Variants in NUDT3 observed in about 807,000 individuals in gnomAD.
NUDT3 encodes the protein diphosphoinositol polyphosphate phosphohydrolase 1.
NUDT3 carries 9 observed loss-of-function variants against 23.6 expected under a neutral mutation model. That is an observed-to-expected ratio of 0.38 (90% CI 0.23 to 0.66). The LOEUF (loss-of-function observed/expected upper bound fraction) is 0.66. Among genes scored for constraint, NUDT3 ranks in the 30% least tolerant of loss-of-function variants. NUDT3 has a pLI of 0.52. For missense variants in NUDT3, 172 were observed against 218.5 expected (o/e 0.79, Z 1.34); for synonymous variants, 86 against 82.6 (o/e 1.04, Z -0.22).
chr6:34,295,490 C>T, intron 3 of NUDT3, 151 bp downstream of exon 3: 1 of 841,240 alleles, frequency 1.2e-6, no homozygotes, highest in Non-Finnish European at 1.8e-6. Context: ...CACTGCACTC[C>T]AGCCTGGGCG....
chr6:34,363,570 C>T (rs1223191826), intron 1 of NUDT3, among the ~76,000 whole-genome samples: 1 of 152,024 alleles, frequency 6.6e-6, no homozygotes, highest in Non-Finnish European at 1.5e-5. Flanking sequence ...GGAAACAGGG[C>T]CCAAAATAGA....
chr6:34,326,627 G>C (rs1764035179), intron 2 of NUDT3, among the ~76,000 whole-genome samples: 2 of 150,972 alleles, frequency 1.3e-5, no homozygotes, highest in South Asian at 4.2e-4. Context: ...TTGACACGGA[G>C]TCTTGCTCTG....
At chr6:34,289,866 C>CT (rs1028295529) in intron 4 of NUDT3, among the ~76,000 whole-genome samples, 32 of 152,100 alleles carry the variant, frequency 2.1e-4, no homozygotes, top group African/African-American at 7.2e-4. Flanking sequence ...CACAACTGCC[C>CT]TTTTTTCATA....
chr6:34,371,521 G>T (rs1214024364), intron 1 of NUDT3, among the ~76,000 whole-genome samples: 1 of 152,040 alleles, frequency 6.6e-6, no homozygotes, highest in African/African-American at 2.4e-5. Flanking sequence ...AGCAGATGCA[G>T]ATTCAACGTG....
At chr6:34,309,151 TGGGA>T (rs1175687082) in intron 2 of NUDT3, among the ~76,000 whole-genome samples, 1 of 151,822 alleles carries the variant, frequency 6.6e-6, no homozygotes, top group Non-Finnish European at 1.5e-5. Flanking sequence ...GAGGCCAAGA[TGGGA>T]GGATCACTTG....
At chr6:34,294,013 A>C (rs1763462952) in intron 3 of NUDT3, among the ~76,000 whole-genome samples, 1 of 151,784 alleles carries the variant, frequency 6.6e-6, no homozygotes, top group Admixed American at 6.6e-5. Context: ...TTTGAGAGAG[A>C]GCCTTACTTT....
At chr6:34,309,187 C>A (rs1763730334) in intron 2 of NUDT3, among the ~76,000 whole-genome samples, 1 of 151,756 alleles carries the variant, frequency 6.6e-6, no homozygotes, top group Admixed American at 6.6e-5. Context: ...TCGGGACCAG[C>A]CTGGGCAGCA....
chr6:34,303,079 A>G (rs914451581), intron 2 of NUDT3, among the ~76,000 whole-genome samples: 1 of 151,660 alleles, frequency 6.6e-6, no homozygotes, highest in Non-Finnish European at 1.5e-5. Flanking sequence ...TTTTTCAGAT[A>G]TTTTGGCAGT....
chr6:34,373,420 A>C (rs929973842), intron 1 of NUDT3, among the ~76,000 whole-genome samples: 32 of 128,454 alleles, frequency 2.5e-4, no homozygotes, highest in Non-Finnish European at 4.6e-4. Context: ...CTAGAGGCTG[A>C]ACGGTATCTA....
intron 1 of NUDT3, among the ~76,000 whole-genome samples, chr6:34,375,563 T>C (rs920597836): frequency 2.0e-5 from 3 of 152,134 alleles, no homozygotes; most frequent in Non-Finnish European, 2.9e-5. Context: ...AGACTTTTTC[T>C]TGCCCCTCAA....
intron 2 of NUDT3, among the ~76,000 whole-genome samples, chr6:34,297,176 C>T (rs1249892313): frequency 6.6e-6 from 1 of 152,106 alleles, no homozygotes. Flanking sequence ...TCGTGATCCG[C>T]CCATCTCAGT....
chr6:34,330,271 G>A (rs931048287), intron 2 of NUDT3, among the ~76,000 whole-genome samples: 3 of 152,170 alleles, frequency 2.0e-5, no homozygotes, highest in African/African-American at 7.2e-5. Context: ...CACCAACAGT[G>A]TAAAAGTGTT....
Position 34,282,764 on chromosome 6 carries a change from A to G in NUDT3, c.*5989T>C, listed in dbSNP as rs1202016719. ...CAATGCTGCTGTTTTTGTATCCTTTAAAGCCTATATCCAGGGTTTTAAATG... is the reference window on the plus strand; with the variant it reads ...CAATGCTGCTGTTTTTGTATCCTTTGAAGCCTATATCCAGGGTTTTAAATG... On this transcript the variant is annotated 3_prime_UTR_variant, in exon 5 of 5. Coordinates refer to ENST00000607016, the MANE Select transcript of NUDT3 (RefSeq NM_006703.4). 1 of 152,152 alleles carries G rather than the reference A, an allele frequency of 6.6e-6. No individual in the cohort carries two copies. Among genetic ancestry groups the G allele is most frequent in the Non-Finnish European group, 1.5e-5 (1 of 68,032 alleles). The allele number at this position is 152,152 out of a possible 1,614,324, so 9.4% of individuals were successfully genotyped here. A position where few individuals can be genotyped will look rare whatever the true frequency, so the allele number is the denominator to read the frequency against.
At chr6:34,311,534 C>A (rs1763772565) in intron 2 of NUDT3, among the ~76,000 whole-genome samples, 2 of 152,094 alleles carry the variant, frequency 1.3e-5, no homozygotes, top group Non-Finnish European at 2.9e-5. Flanking sequence ...AACACAATCC[C>A]AATTAAAATC....
chr6:34,381,337 G>A (rs542461364), intron 1 of NUDT3, among the ~76,000 whole-genome samples: 1 of 152,042 alleles, frequency 6.6e-6, no homozygotes, highest in Non-Finnish European at 1.5e-5. Context: ...CTTGCCAGTA[G>A]ACTGAAGCTC....
chr6:34,366,699 A>T (rs1053837049), intron 1 of NUDT3, among the ~76,000 whole-genome samples: 1 of 151,988 alleles, frequency 6.6e-6, no homozygotes, highest in Non-Finnish European at 1.5e-5. Flanking sequence ...CTAGGACTGC[A>T]ACGTGTGCCA....
At chr6:34,309,770 T>C (rs1475289640) in intron 2 of NUDT3, among the ~76,000 whole-genome samples, 1 of 152,016 alleles carries the variant, frequency 6.6e-6, no homozygotes, top group African/African-American at 2.4e-5. Flanking sequence ...TCATTAAAGA[T>C]GCCATGAACA....
rs1208533284 is a variant in NUDT3 at position 34,288,882 on chromosome 6, C to A, written c.390G>T (p.Gln130His). The change falls in exon 5 of 5, where the codon CAG becomes CAT. Residue 130 changes from glutamine to histidine, a missense_variant. By Grantham distance (24) the Gln-to-His change is conservative. Around this residue, in one of 3 missense-constraint regions of NUDT3, gnomAD observed 63 missense variants for 64.9 expected, o/e 0.97. Transcript: ENST00000607016. ...ATGATGCCTGCACGGGTTTGTGATA[C>A]TGCAGCACTTTTATGGCGTCTTCTA... ...FKIEDAIKVL[Q>H]YHKPVQASYF... is the part of the protein sequence containing the mutation. 1.9e-6 allele frequency: 3 copies of A among 1,613,762 alleles called. No individual in the cohort carries two copies. The highest frequency in any genetic ancestry group is 2.2e-5 in the South Asian group (2 of 91,024).
At chr6:34,298,964 G>A (rs1273360068) in intron 2 of NUDT3, among the ~76,000 whole-genome samples, 1 of 152,102 alleles carries the variant, frequency 6.6e-6, no homozygotes, top group East Asian at 1.9e-4. Flanking sequence ...TCATAGTGCT[G>A]ACAAAAAAGA....
Sources: allele counts gnomAD v4.1 joint callset (sites outside exome capture counted in the v4.1 genomes callset), GRCh38; gene constraint gnomAD v4.1.1; regional missense constraint gnomAD v4.1.1; transcripts MANE v1.5; gene names NCBI Gene and HGNC (gene_info 2026-07-23, HGNC 2026-07-21).